The following CDH12 variants were observed in gnomAD, a reference collection of about 807,000 sequenced individuals.
CDH12 encodes the protein cadherin 12, also known as cadherin-12.
In CDH12, 41 loss-of-function variants were observed where a neutral mutation model predicts 74.1. That is an observed-to-expected ratio of 0.55 (90% CI 0.43 to 0.72). The LOEUF is 0.72. Ranked by LOEUF, CDH12 falls within the 30% of genes least tolerant of loss-of-function variation. The pLI is 0.00. For synonymous variants in CDH12, 399 were observed against 355.0 expected (o/e 1.12, Z -1.39); for missense variants, 945 against 977.2 (o/e 0.97, Z 0.44).
intron 3 of CDH12, among the ~76,000 whole-genome samples, chr5:22,220,067 T>A (rs943723607): frequency 6.6e-6 from 1 of 151,796 alleles, no homozygotes; most frequent in South Asian, 2.1e-4. Context: ...TCCGTAAGGA[T>A]GTTTCTACTA....
At chr5:22,374,185 C>T (rs898043933) in intron 3 of CDH12, among the ~76,000 whole-genome samples, 2 of 151,890 alleles carry the variant, frequency 1.3e-5, no homozygotes, top group Non-Finnish European at 2.9e-5. Context: ...TGATACTTCA[C>T]ATTAACAGAA....
At chr5:22,740,676 C>T (rs1368870680) in intron 1 of CDH12, among the ~76,000 whole-genome samples, 1 of 152,002 alleles carries the variant, frequency 6.6e-6, no homozygotes, top group Non-Finnish European at 1.5e-5. Flanking sequence ...GAATCATGTA[C>T]ATTTTGGAAT....
intron 5 of CDH12, among the ~76,000 whole-genome samples, chr5:22,038,889 C>T (rs28433457): frequency 0.22 from 33,765 of 152,100 alleles, 3,865 homozygotes; most frequent in South Asian, 0.33. Flanking sequence ...CCCTCCGATA[C>T]AGGCCAAATG....
At chr5:22,011,388 T>C (rs1389533951) in intron 5 of CDH12, among the ~76,000 whole-genome samples, 2 of 152,208 alleles carry the variant, frequency 1.3e-5, no homozygotes, top group East Asian at 3.8e-4. Context: ...TTGATGGCCA[T>C]TATTTTCTGT....
intron 14 of CDH12, among the ~76,000 whole-genome samples, chr5:21,754,664 AT>A (rs199873808): frequency 4.6e-5 from 7 of 150,926 alleles, no homozygotes; most frequent in African/African-American, 1.5e-4. Context: ...CTCACTAATT[AT>A]TTTTTTTTCT....
In CDH12 at chr5:21,842,158, T is replaced by G; in HGVS notation, c.814+3A>C. On this transcript the variant is annotated splice_donor_region_variant and intron_variant, in intron 8 of 14. Transcript: ENST00000382254. ...TTTAGGCTTAACAGGAAAGGTGACA[T>G]ACTTTTGGGGAATCGAGGTGGATTG... 7.5e-6 allele frequency: 12 copies of G among 1,604,922 alleles called. No homozygotes were observed. The highest frequency in any genetic ancestry group is 1.0e-5 in the Non-Finnish European group (12 of 1,176,200).
intron 1 of CDH12, among the ~76,000 whole-genome samples, chr5:22,527,730 C>T (rs1414539032): frequency 2.6e-5 from 4 of 152,172 alleles, no homozygotes; most frequent in Non-Finnish European, 4.4e-5. Flanking sequence ...GGCAGATCTA[C>T]TCTAACATTC....
At chr5:22,025,440 C>T (rs1422333088) in intron 5 of CDH12, among the ~76,000 whole-genome samples, 1 of 152,114 alleles carries the variant, frequency 6.6e-6, no homozygotes, top group Non-Finnish European at 1.5e-5. Context: ...AATGCACACA[C>T]TAAGGTGCAT....
chr5:22,575,979 C>T (rs959617757), intron 1 of CDH12, among the ~76,000 whole-genome samples: 1 of 152,076 alleles, frequency 6.6e-6, no homozygotes, highest in African/African-American at 2.4e-5. Flanking sequence ...CCACCTCAGC[C>T]TCCCAAAGTG....
chr5:21,800,558 C>G (rs1312672047), intron 10 of CDH12, among the ~76,000 whole-genome samples: 2 of 152,144 alleles, frequency 1.3e-5, no homozygotes, highest in Admixed American at 6.5e-5. Context: ...AAGATGACCA[C>G]CTGCTGAAAA....
At chr5:22,834,156 A>C (rs1408225986) in intron 1 of CDH12, among the ~76,000 whole-genome samples, 1 of 152,124 alleles carries the variant, frequency 6.6e-6, no homozygotes, top group Non-Finnish European at 1.5e-5. Context: ...TTTCCTCTGG[A>C]ATAGGTGAGT....
chr5:21,980,034 C>G (rs1269548762), intron 5 of CDH12, among the ~76,000 whole-genome samples: 4 of 151,452 alleles, frequency 2.6e-5, no homozygotes, highest in African/African-American at 4.9e-5. Flanking sequence ...TCTCTGATGG[C>G]CAGTGATGAT....
intron 6 of CDH12, among the ~76,000 whole-genome samples, chr5:21,938,686 A>ATAT (rs1362484960): frequency 8.3e-4 from 120 of 143,776 alleles, no homozygotes; most frequent in Admixed American, 1.9e-3. Context: ...AATTTTATAT[A>ATAT]TATAATATAT....
chr5:22,282,730 T>C (rs1046987185), intron 3 of CDH12, among the ~76,000 whole-genome samples: 1 of 151,996 alleles, frequency 6.6e-6, no homozygotes, highest in East Asian at 1.9e-4. Flanking sequence ...TCATTAAAAG[T>C]CAGGAACAAC....
chr5:21,838,504 G>C (rs551737694), intron 8 of CDH12, among the ~76,000 whole-genome samples: 1 of 152,170 alleles, frequency 6.6e-6, no homozygotes, highest in Non-Finnish European at 1.5e-5. Context: ...AGGTGGCAGT[G>C]AGCCGAGATC....
intron 3 of CDH12, among the ~76,000 whole-genome samples, chr5:22,382,142 A>T (rs1741784233): frequency 6.9e-6 from 1 of 145,880 alleles, no homozygotes; most frequent in Non-Finnish European, 1.5e-5. Flanking sequence ...AAACATGTTT[A>T]TATATTTATA....
At chr5:22,748,864 T>C (rs543451524) in intron 1 of CDH12, among the ~76,000 whole-genome samples, 3 of 152,208 alleles carry the variant, frequency 2.0e-5, no homozygotes, top group Non-Finnish European at 4.4e-5. Flanking sequence ...GCGTAGGGGC[T>C]GTTTGACTTC....
intron 3 of CDH12, among the ~76,000 whole-genome samples, chr5:22,213,132 A>C (rs1404495133): frequency 6.6e-6 from 1 of 152,234 alleles, no homozygotes; most frequent in Non-Finnish European, 1.5e-5. Context: ...TCAAAGAGAT[A>C]GCTGCACTTG....
Position 22,831,369 on chromosome 5 carries a change from GTC to G in CDH12, c.-523+21687_-523+21688del, listed in dbSNP as rs1394157512. 5.0e-3 allele frequency among the ~76,000 whole-genome samples: 622 copies of G among 123,882 alleles called. 9 individuals carry two copies. The highest frequency in any genetic ancestry group is 0.01 in the African/African-American group (331 of 32,638). 81.3% of individuals were successfully genotyped at this position (123,882 alleles called of 152,430 possible). ...TTGGAGTTTGTGTGTGTGTGTGTGT[GTC>G]TGTGTGTGTGTGTGTGTGTGTGTGT... On this transcript the variant is annotated intron_variant, in intron 1 of 14. Transcript: ENST00000382254.
Sources: allele counts gnomAD v4.1 joint callset (sites outside exome capture counted in the v4.1 genomes callset), GRCh38; gene constraint gnomAD v4.1.1; transcripts MANE v1.5; gene names NCBI Gene and HGNC (gene_info 2026-07-23, HGNC 2026-07-21).